The following PRKN variants were observed in gnomAD, a reference collection of about 807,000 sequenced individuals.
The protein encoded by PRKN is parkin RBR E3 ubiquitin protein ligase.
Under a neutral mutation model 59.5 loss-of-function variants are expected in PRKN, and 56 were observed. The ratio of observed to expected loss-of-function variants is 0.94; its 90% CI spans 0.76 to 1.18. PRKN has a LOEUF of 1.18. PRKN is among the 50% of genes most tolerant of loss of function. The pLI, the probability that PRKN is intolerant of heterozygous loss-of-function variation, is 0.00. For missense variants in PRKN, 657 were observed against 596.4 expected (o/e 1.10, Z -1.06); for synonymous variants, 250 against 222.1 (o/e 1.13, Z -1.12).
At chr6:161,965,569 G>A (rs1356642949) in intron 6 of PRKN, among the ~76,000 whole-genome samples, 1 of 151,994 alleles carries the variant, frequency 6.6e-6, no homozygotes. Context: ...AGCCAAATAT[G>A]AGTGACAATG....
chr6:161,543,854 A>C (rs1398409538), intron 9 of PRKN, among the ~76,000 whole-genome samples: 1 of 152,202 alleles, frequency 6.6e-6, no homozygotes, highest in African/African-American at 2.4e-5. Context: ...AGTATAATGT[A>C]TTCCATATTT....
intron 2 of PRKN, among the ~76,000 whole-genome samples, chr6:162,424,201 A>G (rs1789111604): frequency 6.6e-6 from 1 of 152,232 alleles, no homozygotes; most frequent in Admixed American, 6.5e-5. Context: ...TGGAAAAGGC[A>G]CAGCTATAAA....
Position 161,460,486 on chromosome 6 carries a change from A to AG in PRKN, c.1084-73610dup, listed in dbSNP as rs1790153342. 6.6e-6 allele frequency among the ~76,000 whole-genome samples: 1 copy of AG among 152,158 alleles called. No homozygotes were observed. Among genetic ancestry groups the AG allele is most frequent in the Non-Finnish European group, 1.5e-5 (1 of 68,032 alleles). On this transcript the variant is annotated intron_variant, in intron 9 of 11. Coordinates refer to ENST00000366898, the MANE Select transcript of PRKN (RefSeq NM_004562.3). The surrounding 1 kb of genome is among the most constrained non-coding windows in gnomAD (Gnocchi z 5.0). ...AAGCAGCATATCAGCAGGAAGGGCC[A>AG]GGGGACACTTCTCTGAACCCCCGTG... is the stretch of plus-strand genomic sequence containing the variant.
intron 1 of PRKN, among the ~76,000 whole-genome samples, chr6:162,598,160 C>G (rs1781562944): frequency 6.6e-6 from 1 of 152,060 alleles, no homozygotes; most frequent in Non-Finnish European, 1.5e-5. Context: ...TAAATTTTAA[C>G]TTTCTTATAA....
chr6:161,898,163 G>A (rs1777731232), intron 6 of PRKN, among the ~76,000 whole-genome samples: 1 of 151,942 alleles, frequency 6.6e-6, no homozygotes, highest in East Asian at 1.9e-4. Context: ...AAGCTGCCTT[G>A]TATTTGCCAA....
intron 9 of PRKN, among the ~76,000 whole-genome samples, chr6:161,485,819 T>C (rs916231890): frequency 6.6e-6 from 1 of 151,792 alleles, no homozygotes; most frequent in Non-Finnish European, 1.5e-5. Flanking sequence ...ATATATTGCT[T>C]TATATTGAAA....
intron 4 of PRKN, among the ~76,000 whole-genome samples, chr6:162,169,338 C>G (rs145349796): frequency 8.0e-4 from 122 of 152,094 alleles, no homozygotes; most frequent in African/African-American, 2.9e-3. Context: ...AGAATTAGAC[C>G]AATTGATTTC....
chr6:162,504,468 G>A (rs1793516381), intron 1 of PRKN, among the ~76,000 whole-genome samples: 1 of 152,122 alleles, frequency 6.6e-6, no homozygotes, highest in African/African-American at 2.4e-5. Context: ...TACTGGCATA[G>A]GGAACAGATA....
chr6:162,469,391 T>G (rs1791607762), intron 1 of PRKN, among the ~76,000 whole-genome samples: 1 of 150,630 alleles, frequency 6.6e-6, no homozygotes, highest in Non-Finnish European at 1.5e-5. Flanking sequence ...TACAAAAAGG[T>G]ACTTGCAGAT....
chr6:162,616,770 T>C (rs1415784872), intron 1 of PRKN, among the ~76,000 whole-genome samples: 11 of 152,224 alleles, frequency 7.2e-5, no homozygotes, highest in Admixed American at 7.2e-4. Context: ...ATACATTATG[T>C]AACAGTACTT....
intron 4 of PRKN, among the ~76,000 whole-genome samples, chr6:162,199,561 T>G (rs1388574276): frequency 6.6e-6 from 1 of 152,010 alleles, no homozygotes; most frequent in African/African-American, 2.4e-5. Context: ...GTAGATGAGG[T>G]TGTGTCTTGT....
chr6:162,488,143 A>C (rs1426452228), intron 1 of PRKN, among the ~76,000 whole-genome samples: 1 of 151,504 alleles, frequency 6.6e-6, no homozygotes, highest in Non-Finnish European at 1.5e-5. Context: ...ACAAAGTTTA[A>C]ACACCACAAA....
At chr6:161,358,395 C>T (rs1289919307) in intron 11 of PRKN, among the ~76,000 whole-genome samples, 1 of 152,090 alleles carries the variant, frequency 6.6e-6, no homozygotes, top group Non-Finnish European at 1.5e-5. Context: ...GGTAGATCAC[C>T]TGAGGTCAGG....
intron 3 of PRKN, among the ~76,000 whole-genome samples, chr6:162,225,960 A>G (rs1485626144): frequency 1.4e-5 from 2 of 147,830 alleles, no homozygotes; most frequent in Non-Finnish European, 3.0e-5. Context: ...TCCTAAACAT[A>G]TATGTTTAGG....
intron 7 of PRKN, among the ~76,000 whole-genome samples, chr6:161,776,222 G>T (rs1269250039): frequency 6.6e-6 from 1 of 152,204 alleles, no homozygotes. Flanking sequence ...CAAGTTGGGT[G>T]AGTGCTACTC....
At chr6:161,608,759 C>T (rs1443799027) in intron 7 of PRKN, among the ~76,000 whole-genome samples, 2 of 151,662 alleles carry the variant, frequency 1.3e-5, no homozygotes, top group South Asian at 2.1e-4. Flanking sequence ...AGGCTGGTTT[C>T]GAATTCCTGA....
intron 1 of PRKN, among the ~76,000 whole-genome samples, chr6:162,528,562 A>C (rs1244399872): frequency 6.6e-6 from 1 of 152,220 alleles, no homozygotes; most frequent in Non-Finnish European, 1.5e-5. Flanking sequence ...GTGTAAATTT[A>C]AAGTATCATG....
rs116905480 is a variant in PRKN, at chr6:161,613,118, G to T, written c.872-43702C>A. Reference sequence around the variant, plus strand: ...CTGGAAAGGATTCACCATTCTAGATGCCATTAAGAACATTCATGATTTGTA... The same window carrying T: ...CTGGAAAGGATTCACCATTCTAGATTCCATTAAGAACATTCATGATTTGTA... On this transcript the variant is annotated intron_variant, in intron 7 of 11. Transcript: ENST00000366898. Among the ~76,000 whole-genome samples the T allele has an allele frequency of 1.6e-3, 239 of 152,308 alleles. 4 individuals are homozygous for T. In the East Asian group the frequency reaches 0.033, roughly 21 times the overall value.
intron 7 of PRKN, among the ~76,000 whole-genome samples, chr6:161,678,568 A>ATTTTTT (rs201640028): frequency 3.3e-5 from 4 of 121,428 alleles, no homozygotes; most frequent in African/African-American, 7.0e-5. Context: ...TTGGTGCCTG[A>ATTTTTT]TTTTTTTTTT....
Sources: gnomAD v4.1 joint callset for allele counts (sites outside exome capture counted in the v4.1 genomes callset) on GRCh38, gnomAD v4.1.1 for gene constraint, Gnocchi (gnomAD v3.1) non-coding constraint, MANE v1.5 for transcripts, NCBI Gene and HGNC (gene_info 2026-07-23, HGNC 2026-07-21) for gene names.